Variants in VPS13A observed in about 807,000 individuals in gnomAD.
VPS13A encodes the protein intermembrane lipid transfer protein VPS13A.
Under a neutral mutation model 390.9 loss-of-function variants are expected in VPS13A, and 264 were observed. The observed-to-expected ratio is 0.68, with a 90% CI of 0.61 to 0.75. VPS13A has a LOEUF of 0.75. Among genes scored for constraint, VPS13A ranks in the 30% least tolerant of loss-of-function variants. The pLI is 0.00. For missense variants in VPS13A, 3,409 were observed against 3,733.9 expected (o/e 0.91, Z 2.27); for synonymous variants, 1,231 against 1,227.1 (o/e 1.00, Z -0.07).
At chr9:77,312,420 A>G (rs1011219725) in intron 35 of VPS13A, among the ~76,000 whole-genome samples, 4 of 145,984 alleles carry the variant, frequency 2.7e-5, no homozygotes, top group African/African-American at 9.8e-5. Context: ...ACTTGTTCAT[A>G]TAATTTTTTT....
chr9:77,407,628 A>T, intron 71 of VPS13A, 21 bp downstream of exon 71: 1 of 1,558,686 alleles, frequency 6.4e-7, no homozygotes, highest in Non-Finnish European at 8.8e-7. Flanking sequence ...TAAATCTTTT[A>T]TTTAAATAGG....
intron 5 of VPS13A, among the ~76,000 whole-genome samples, chr9:77,208,295 G>A (rs1418135440): frequency 6.6e-6 from 1 of 152,070 alleles, no homozygotes; most frequent in African/African-American, 2.4e-5. Flanking sequence ...CATATGATTA[G>A]TATCTTCAGC....
chr9:77,236,059 G>A (rs1824126937), intron 17 of VPS13A, among the ~76,000 whole-genome samples: 1 of 152,098 alleles, frequency 6.6e-6, no homozygotes. Context: ...ACTATTCTGA[G>A]TACATTTAGG....
At chr9:77,272,026 C>G (rs796344021) in intron 23 of VPS13A, among the ~76,000 whole-genome samples, 1 of 150,232 alleles carries the variant, frequency 6.7e-6, no homozygotes, top group Non-Finnish European at 1.5e-5. Flanking sequence ...TTATGTACTT[C>G]GTGTAGTAGA....
At chr9:77,411,471 G>C (rs934025399) in intron 71 of VPS13A, among the ~76,000 whole-genome samples, 1 of 151,824 alleles carries the variant, frequency 6.6e-6, no homozygotes, top group African/African-American at 2.4e-5. Context: ...ACACCATCCT[G>C]GCTAACATGG....
At chr9:77,203,058 G>A in intron 3 of VPS13A, among the ~76,000 whole-genome samples, 1 of 152,138 alleles carries the variant, frequency 6.6e-6, no homozygotes, top group East Asian at 1.9e-4. Flanking sequence ...AGTACAATCA[G>A]TTTTATAGGA....
intron 9 of VPS13A, among the ~76,000 whole-genome samples, chr9:77,213,684 T>C (rs1826100562): frequency 6.6e-6 from 1 of 151,992 alleles, no homozygotes; most frequent in Non-Finnish European, 1.5e-5. Context: ...AATTTTTTTG[T>C]AGAGACAAGG....
At chr9:77,287,162 ATAAAT>A in intron 31 of VPS13A, among the ~76,000 whole-genome samples, 1 of 146,322 alleles carries the variant, frequency 6.8e-6, no homozygotes, top group East Asian at 1.9e-4. Context: ...ATACTGGTAA[ATAAAT>A]TAAGAAAAAA....
intron 1 of VPS13A, among the ~76,000 whole-genome samples, chr9:77,181,782 A>G (rs1007717524): frequency 6.6e-6 from 1 of 152,172 alleles, no homozygotes; most frequent in Non-Finnish European, 1.5e-5. Flanking sequence ...CCATGGAAGC[A>G]TTCTTATATA....
chr9:77,179,009 G>A (rs1823836065), intron 1 of VPS13A, among the ~76,000 whole-genome samples: 1 of 152,136 alleles, frequency 6.6e-6, no homozygotes, highest in African/African-American at 2.4e-5. Flanking sequence ...CAAAAGCTAG[G>A]GATATAGTGA....
chr9:77,381,848 A>C (rs1306306498), intron 67 of VPS13A, 128 bp from the exon 68 acceptor site: 10 of 669,058 alleles, frequency 1.5e-5, no homozygotes, highest in Non-Finnish European at 2.3e-5. Flanking sequence ...TACAAAAACA[A>C]TTTAAAATTA....
chr9:77,246,059 G>A lies in VPS13A; in HGVS notation c.1901-1200G>A, dbSNP rs117681177. Among the ~76,000 whole-genome samples the A allele has an allele frequency of 1.2e-4, 18 of 152,254 alleles. No individual in the cohort carries two copies. The East Asian group carries it at 3.5e-3, about 29-fold the overall frequency. On this transcript the variant is annotated intron_variant, in intron 19 of 71. Transcript: ENST00000360280. ...ATGAGGACAACATCAAGCCATTTGT[G>A]AGGACTCTGCCCCCATGACCCAGAC...
chr9:77,209,633 A>G (rs1027211594), intron 6 of VPS13A, 101 bp downstream of exon 6: 3 of 751,446 alleles, frequency 4.0e-6, no homozygotes, highest in African/African-American at 1.8e-5. Context: ...TTAAATCCCA[A>G]AAGGTTACAG....
At chr9:77,392,044 T>C (rs887201994) in intron 68 of VPS13A, among the ~76,000 whole-genome samples, 1 of 152,194 alleles carries the variant, frequency 6.6e-6, no homozygotes, top group Non-Finnish European at 1.5e-5. Context: ...ATAAAACACA[T>C]GCCACGTTAG....
At chr9:77,353,299 T>C in intron 53 of VPS13A, 110 bp from the exon 54 acceptor site, 1 of 766,640 alleles carries the variant, frequency 1.3e-6, no homozygotes, top group South Asian at 1.7e-5. Context: ...CCCCATGAAG[T>C]AGGTGCCATT....
At chr9:77,250,376 T>A (rs1825087301) in intron 21 of VPS13A, 147 bp downstream of exon 21, 1 of 1,030,962 alleles carries the variant, frequency 9.7e-7, no homozygotes, top group African/African-American at 1.6e-5. Flanking sequence ...TAGCTGTTCT[T>A]ACCAGGAGCA....
At chr9:77,247,644 CTGATTGATTGAT>C (rs887422189) in intron 20 of VPS13A, among the ~76,000 whole-genome samples, 1 of 151,928 alleles carries the variant, frequency 6.6e-6, no homozygotes, top group East Asian at 1.9e-4. Flanking sequence ...GCTTGATTGA[CTGATTGATTGAT>C]TGATTGATTG....
chr9:77,230,061 C>T (rs142455093), intron 17 of VPS13A, among the ~76,000 whole-genome samples: 32 of 152,106 alleles, frequency 2.1e-4, no homozygotes, highest in Non-Finnish European at 2.4e-4. Context: ...GGCCATTTCA[C>T]GTGCATATCT....
At chr9:77,355,073 C>A (rs999445316) in intron 54 of VPS13A, among the ~76,000 whole-genome samples, 4 of 152,146 alleles carry the variant, frequency 2.6e-5, no homozygotes, top group Non-Finnish European at 5.9e-5. Flanking sequence ...AGCCTACTTT[C>A]CTTGCTACCT....
Sources: gnomAD v4.1 joint callset for allele counts (sites outside exome capture counted in the v4.1 genomes callset) on GRCh38, gnomAD v4.1.1 for gene constraint, MANE v1.5 for transcripts, NCBI Gene and HGNC (gene_info 2026-07-23, HGNC 2026-07-21) for gene names.